Variants in RORA observed in about 807,000 individuals in gnomAD.
RORA encodes the protein nuclear receptor ROR-alpha.
A neutral mutation model predicts 69.5 loss-of-function variants in RORA; 7 were observed. The ratio of observed to expected loss-of-function variants is 0.10; its 90% CI spans 0.06 to 0.19. RORA has a LOEUF of 0.19. Ranked by LOEUF, RORA falls within the 10% of genes least tolerant of loss-of-function variation. RORA has a pLI of 1.00. For synonymous variants in RORA, 261 were observed against 240.8 expected (o/e 1.08, Z -0.78); for missense variants, 457 against 663.0 (o/e 0.69, Z 3.41).
At chr15:61,001,079 G>A (rs1173184605) in intron 1 of RORA, among the ~76,000 whole-genome samples, 2 of 152,128 alleles carry the variant, frequency 1.3e-5, no homozygotes, top group Non-Finnish European at 2.9e-5. Flanking sequence ...CCTTATTATT[G>A]GGCAAATGTC....
chr15:60,660,611 G>A (rs1016454182), intron 2 of RORA, among the ~76,000 whole-genome samples: 1 of 152,128 alleles, frequency 6.6e-6, no homozygotes, highest in East Asian at 1.9e-4. Flanking sequence ...TGTCAACTCC[G>A]ACTTTTGGGA....
intron 1 of RORA, among the ~76,000 whole-genome samples, chr15:61,073,220 AG>A (rs2078394309): frequency 6.6e-6 from 1 of 152,212 alleles, no homozygotes; most frequent in South Asian, 2.1e-4. Flanking sequence ...GAGATTCGTA[AG>A]CCAAAGGCTT....
intron 1 of RORA, among the ~76,000 whole-genome samples, chr15:61,111,847 G>T (rs777618759): frequency 2.0e-5 from 3 of 152,128 alleles, no homozygotes; most frequent in Non-Finnish European, 4.4e-5. Flanking sequence ...TTCTTCCTAA[G>T]GACTATGAGT....
chr15:60,507,166 AAAG>A (rs1215214151), intron 5 of RORA, among the ~76,000 whole-genome samples: 1 of 152,160 alleles, frequency 6.6e-6, no homozygotes, highest in Non-Finnish European at 1.5e-5. Context: ...AAGGATGATT[AAAG>A]AAGTATTTTT....
chr15:61,107,843 A>C (rs1228590530), intron 1 of RORA, among the ~76,000 whole-genome samples: 4 of 152,100 alleles, frequency 2.6e-5, no homozygotes, highest in Non-Finnish European at 5.9e-5. Flanking sequence ...AATCCCAGAG[A>C]GAATACACTA....
intron 2 of RORA, among the ~76,000 whole-genome samples, chr15:60,601,714 A>C (rs1169620538): frequency 6.6e-6 from 1 of 152,202 alleles, no homozygotes; most frequent in Non-Finnish European, 1.5e-5. Flanking sequence ...CACCTACTTT[A>C]ATCACCCAAC....
chr15:61,161,472 A>AGTAACATCTATCTCACAGACT (rs1156848104), intron 1 of RORA, among the ~76,000 whole-genome samples: 5 of 152,218 alleles, frequency 3.3e-5, no homozygotes, highest in Non-Finnish European at 7.3e-5. Flanking sequence ...AACAAGAATA[A>AGTAACATCTATCTCACAGACT]GTAACATCTA....
At chr15:60,966,304 A>G (rs1032732755) in intron 1 of RORA, among the ~76,000 whole-genome samples, 4 of 152,214 alleles carry the variant, frequency 2.6e-5, no homozygotes, top group Non-Finnish European at 5.9e-5. Flanking sequence ...TAGGACTTCA[A>G]CATATGAATT....
At chr15:60,935,890 T>G (rs913090888) in intron 1 of RORA, among the ~76,000 whole-genome samples, 1 of 152,230 alleles carries the variant, frequency 6.6e-6, no homozygotes, top group African/African-American at 2.4e-5. Context: ...TTGCCCTTTT[T>G]AGAGAACATT....
chr15:60,790,510 G>C (rs747900859), intron 1 of RORA, among the ~76,000 whole-genome samples: 2 of 152,222 alleles, frequency 1.3e-5, no homozygotes, highest in Non-Finnish European at 2.9e-5. Flanking sequence ...ACTGGGGACT[G>C]ACAGAGAATG....
chr15:60,852,578 G>C (rs2073338047), intron 1 of RORA, among the ~76,000 whole-genome samples: 1 of 152,194 alleles, frequency 6.6e-6, no homozygotes, highest in South Asian at 2.1e-4. Context: ...GTGAAAAAAA[G>C]CTATCTGAGG....
At chr15:60,712,658 A>G (rs771310628) in intron 1 of RORA, among the ~76,000 whole-genome samples, 3 of 152,246 alleles carry the variant, frequency 2.0e-5, no homozygotes, top group Non-Finnish European at 4.4e-5. Context: ...CTTGTTCCCG[A>G]GGCCAGAAGA....
intron 1 of RORA, among the ~76,000 whole-genome samples, chr15:61,093,856 G>A (rs1159837667): frequency 2.6e-5 from 4 of 152,186 alleles, no homozygotes; most frequent in African/African-American, 4.8e-5. Flanking sequence ...TCCATGAAAC[G>A]GGGTTTGGGC....
At chr15:61,092,314 T>G (rs991720118) in intron 1 of RORA, among the ~76,000 whole-genome samples, 4 of 152,192 alleles carry the variant, frequency 2.6e-5, no homozygotes, top group Non-Finnish European at 5.9e-5. Flanking sequence ...CTAAGTCTAA[T>G]CAAGGAAACT....
At chr15:60,964,417 T>C (rs1002536630) in intron 1 of RORA, among the ~76,000 whole-genome samples, 1 of 152,114 alleles carries the variant, frequency 6.6e-6, no homozygotes, top group African/African-American at 2.4e-5. Context: ...GGGTGCTTCC[T>C]GGGAAAGCCC....
intron 2 of RORA, among the ~76,000 whole-genome samples, chr15:60,551,559 T>G (rs945915266): frequency 5.3e-5 from 8 of 152,150 alleles, no homozygotes; most frequent in Admixed American, 5.2e-4. Context: ...TAAAAGACCT[T>G]GAATAATTTT....
In RORA at chr15:60,789,493, C is replaced by T. The variant is rs551797795; in HGVS notation, c.167-110807G>A. 2.0e-5 allele frequency among the ~76,000 whole-genome samples: 3 copies of T among 152,348 alleles called. No individual in the cohort carries two copies. The East Asian group carries it at 5.8e-4, about 29-fold the overall frequency. ...CCCTGCTTCCTTACAAATGTGTTGC[C>T]AGAATTCCCAGCACTGGGTCTGCAT... On this transcript the variant is annotated intron_variant, in intron 1 of 10. Transcript: ENST00000335670.
intron 1 of RORA, among the ~76,000 whole-genome samples, chr15:60,946,412 C>T (rs1421240569): frequency 6.6e-6 from 1 of 152,180 alleles, no homozygotes; most frequent in East Asian, 1.9e-4. Flanking sequence ...CGATTGCAGG[C>T]GCGCGCCGCC....
intron 1 of RORA, among the ~76,000 whole-genome samples, chr15:60,702,334 CG>C (rs1165262633): frequency 3.9e-5 from 6 of 152,076 alleles, no homozygotes; most frequent in Admixed American, 3.3e-4. Context: ...TGGGTTGATG[CG>C]ATTCTCCTGC....
Sources: gnomAD v4.1 joint callset for allele counts (sites outside exome capture counted in the v4.1 genomes callset) on GRCh38, gnomAD v4.1.1 for gene constraint, MANE v1.5 for transcripts, NCBI Gene and HGNC (gene_info 2026-07-23, HGNC 2026-07-21) for gene names.